ZBTB9: variants seen among roughly 807,000 people sequenced by gnomAD.
ZBTB9 encodes zinc finger and BTB domain containing 9.
Under a neutral mutation model 26.3 loss-of-function variants are expected in ZBTB9, and 17 were observed. The ratio of observed to expected loss-of-function variants is 0.65; its 90% CI spans 0.44 to 0.97. The LOEUF is 0.97. ZBTB9 is among the 50% of genes least tolerant of loss of function. The pLI is 0.00. For missense variants in ZBTB9, 510 were observed against 594.2 expected (o/e 0.86, Z 1.47); for synonymous variants, 226 against 234.3 (o/e 0.96, Z 0.32).
rs1761459966 is a variant in ZBTB9 at position 33,455,323 on chromosome 6, G to A, written c.223G>A (p.Asp75Asn). 6.2e-7 allele frequency: 1 copy of A among 1,614,062 alleles called. No homozygotes were observed. Among genetic ancestry groups the A allele is most frequent in the Non-Finnish European group, 8.5e-7 (1 of 1,180,050 alleles). Residue 75 changes from aspartate to asparagine, a missense_variant, in exon 2 of 2, where the codon GAC (aspartate) becomes AAC (asparagine). Around this residue, in one of 2 missense-constraint regions of ZBTB9, gnomAD observed 439 missense variants for 460.4 expected, o/e 0.95. Coordinates refer to ENST00000395064, the MANE Select transcript of ZBTB9 (RefSeq NM_152735.4). ...VLAAASPYFH[D>N]KLLLGDAPRL... ...AGCTGCTGCCTCTCCTTACTTCCAT[G>A]ACAAGCTGCTTCTGGGGGATGCGCC...
In ZBTB9 at chr6:33,456,006, G is replaced by A. The variant is rs776929381; in HGVS notation, c.906G>A (p.Gln302=). 21 of 1,613,926 alleles carry A rather than the reference G, an allele frequency of 1.3e-5. No individual in the cohort carries two copies. Among genetic ancestry groups the A allele is most frequent in the Non-Finnish European group, 1.8e-5 (21 of 1,180,038 alleles). The change falls in exon 2 of 2, where the codon CAG becomes CAA. Residue 302 remains glutamine, a synonymous_variant. Transcript: ENST00000395064. This position sits in a 1 kb window ranked among gnomAD's most constrained non-coding sequence, Gnocchi z 5.1. ...PKEEISGSGT[Q]PGGAKEETKV... ...AGGAGATATCAGGAAGCGGAACTCA[G>A]CCTGGAGGAGCAAAGGAGGAAACCA...
rs1020534917 is a variant in ZBTB9, at chr6:33,457,471, G to T, written c.*949G>T. 6.0e-6 allele frequency: 1 copy of T among 167,096 alleles called. No individual in the cohort carries two copies. The highest frequency in any genetic ancestry group is 2.4e-5 in the African/African-American group (1 of 41,450). 10.4% of individuals were successfully genotyped at this position (167,096 alleles called of 1,614,324 possible). A position where few individuals can be genotyped will look rare whatever the true frequency, so the allele number is the denominator to read the frequency against. ...AGCCCCTCTGTTGAGATATGGAGGG[G>T]ACAGATACTGGAATCGGGGGTGGGA... On this transcript the variant is annotated 3_prime_UTR_variant, in exon 2 of 2. Coordinates refer to ENST00000395064, the MANE Select transcript of ZBTB9 (RefSeq NM_152735.4).
At position 33,456,259 on chromosome 6, in the gene ZBTB9, C is replaced by T. The variant is rs1395056757; in HGVS notation, c.1159C>T (p.Leu387=). ...TGCAGATGGAAAACGCTTTGGTTGC[C>T]TGTGTGGGAAGCGGTTTGCAGTGAA... ...PPADGKRFGC[L]CGKRFAVKPK... is the part of the protein sequence containing the mutation. The change falls in exon 2 of 2, where the codon CTG becomes TTG. Residue 387 remains leucine (L), a synonymous_variant. Coordinates refer to ENST00000395064, the MANE Select transcript of ZBTB9 (RefSeq NM_152735.4). The surrounding 1 kb of genome is among the most constrained non-coding windows in gnomAD (Gnocchi z 5.1). 1.2e-6 allele frequency: 2 copies of T among 1,613,466 alleles called. No homozygotes were observed. Among genetic ancestry groups the T allele is most frequent in the Non-Finnish European group, 8.5e-7 (1 of 1,179,818 alleles).
At position 33,456,015 on chromosome 6, in the gene ZBTB9, A is replaced by C; in HGVS notation, c.915A>C (p.Gly305=). ...EISGSGTQPG[G]AKEETKVFSG... is the part of the protein sequence containing the mutation. ...CAGGAAGCGGAACTCAGCCTGGAGG[A>C]GCAAAGGAGGAAACCAAAGTGTTTT... Residue 305 remains glycine, a synonymous_variant, in exon 2 of 2, where the codon GGA becomes GGC. Transcript: ENST00000395064. This position sits in a 1 kb window ranked among gnomAD's most constrained non-coding sequence, Gnocchi z 5.1. 1 of 1,614,030 alleles carries C rather than the reference A, an allele frequency of 6.2e-7. No homozygotes were observed. Among genetic ancestry groups the C allele is most frequent in the Non-Finnish European group, 8.5e-7 (1 of 1,180,022 alleles).
rs572785847 is a variant in ZBTB9, at chr6:33,455,472, C to T, written c.372C>T (p.Gly124=). ...ALPAHLLVAS[G]LQMWQVVDQC... ...CTGCTCATCTCCTTGTGGCCAGTGGCCTTCAAATGTGGCAGGTAGTAGATC... is the reference window on the plus strand; with the variant it reads ...CTGCTCATCTCCTTGTGGCCAGTGGTCTTCAAATGTGGCAGGTAGTAGATC... Residue 124 remains glycine (G), a synonymous_variant, in exon 2 of 2, where the codon GGC becomes GGT. Coordinates refer to ENST00000395064, the MANE Select transcript of ZBTB9 (RefSeq NM_152735.4). 2 of 1,614,090 alleles carry T rather than the reference C, an allele frequency of 1.2e-6. No individual in the cohort carries two copies. The highest frequency in any genetic ancestry group is 4.5e-5 in the East Asian group (2 of 44,888).
rs1761493965 is a variant in ZBTB9 at position 33,456,764 on chromosome 6, TC to T, written c.*243del. 3.4e-6 allele frequency: 2 copies of T among 583,680 alleles called. No homozygotes were observed. The highest frequency in any genetic ancestry group is 1.9e-5 in the African/African-American group (1 of 53,048). The allele number at this position is 583,680 out of a possible 1,614,324, so 36.2% of individuals were successfully genotyped here. On this transcript the variant is annotated 3_prime_UTR_variant, in exon 2 of 2. Transcript: ENST00000395064. The surrounding 1 kb of genome is among the most constrained non-coding windows in gnomAD (Gnocchi z 5.1). ...TGCAGGAAAGTGGTTTATAGGCCAT[TC>T]ATACTTAAGTTGATCACTTGCCCAT...
rs1191467187 is a variant in ZBTB9 at position 33,455,822 on chromosome 6, CAG to C, written c.723_724del (p.Val243PhefsTer23). The stretch of plus-strand genomic sequence containing the variant: ...CAGACTCCTCAGCCCCAGAGAGTAT[CAG>C]GGGTTTTTCCCCGTCCTCATGGACC... On this transcript the variant is annotated frameshift_variant, in exon 2 of 2. Transcript: ENST00000395064. LOFTEE classifies it high-confidence loss of function. 1.9e-6 allele frequency: 3 copies of C among 1,610,808 alleles called. No individual in the cohort carries two copies. The highest frequency in any genetic ancestry group is 1.7e-5 in the Admixed American group (1 of 59,822).
chr6:33,455,634 C>G lies in ZBTB9; in HGVS notation c.534C>G (p.Thr178=), dbSNP rs1223914262. 2 of 1,613,988 alleles carry G rather than the reference C, an allele frequency of 1.2e-6. No homozygotes were observed. The highest frequency in any genetic ancestry group is 1.7e-5 in the Admixed American group (1 of 60,008). The change falls in exon 2 of 2, where the codon ACC becomes ACG. Residue 178 remains threonine, a synonymous_variant. Coordinates refer to ENST00000395064, the MANE Select transcript of ZBTB9 (RefSeq NM_152735.4). The part of the protein sequence containing the change: ...GWCIRSSPFQ[T]PVQSSASTES... ...GCATTCGCTCTTCGCCTTTCCAGAC[C>G]CCAGTACAGTCCTCTGCTTCTACTG... is the stretch of plus-strand genomic sequence containing the variant.
rs758490161 is a variant in ZBTB9 at position 33,456,091 on chromosome 6, G to A, written c.991G>A (p.Gly331Arg). Residue 331 changes from glycine to arginine, a missense_variant, in exon 2 of 2, where the codon GGG (glycine) becomes AGG (arginine). By Grantham distance (125) the Gly-to-Arg change is moderately radical (BLOSUM62 -2). This residue lies in a region of ZBTB9 where 439 missense variants were observed against 460.4 expected (regional missense o/e 0.95). Transcript: ENST00000395064. This position sits in a 1 kb window ranked among gnomAD's most constrained non-coding sequence, Gnocchi z 5.1. ...GGAGCTAGGGTTCTTGTTGCCTTCA[G>A]GGCCAGGGCCAACATCTGGGGGAGG... ...NGELGFLLPS[G>R]PGPTSGGGGP... The A allele has an allele frequency of 3.1e-6, 5 of 1,613,838 alleles. No homozygotes were observed. The South Asian group carries it at 4.4e-5, about 14-fold the overall frequency.
Position 33,455,673 on chromosome 6 carries a change from C to T in ZBTB9, c.573C>T (p.Ser191=). 6.2e-7 allele frequency: 1 copy of T among 1,614,196 alleles called. No individual in the cohort carries two copies. The highest frequency in any genetic ancestry group is 8.5e-7 in the Non-Finnish European group (1 of 1,180,044). The change falls in exon 2 of 2, where the codon TCC becomes TCT. Residue 191 remains serine, a synonymous_variant. Coordinates refer to ENST00000395064, the MANE Select transcript of ZBTB9 (RefSeq NM_152735.4). The part of the protein sequence containing the change: ...QSSASTESPA[S]TESPVGGEGS... ...CTGCTTCTACTGAAAGCCCTGCTTCCACTGAGAGCCCTGTGGGAGGGGAGG... is the reference window on the plus strand; with the variant it reads ...CTGCTTCTACTGAAAGCCCTGCTTCTACTGAGAGCCCTGTGGGAGGGGAGG...
Position 33,455,614 on chromosome 6 carries a change from C to G in ZBTB9, c.514C>G (p.Arg172Gly), listed in dbSNP as rs938831302. ...ATCCTCTACAGGAGGCTGGTGCATT[C>G]GCTCTTCGCCTTTCCAGACCCCAGT... ...TTSSTGGWCI[R>G]SSPFQTPVQS... Residue 172 changes from arginine to glycine, a missense_variant, in exon 2 of 2, where the codon CGC (arginine) becomes GGC (glycine). Around this residue, in one of 2 missense-constraint regions of ZBTB9, gnomAD observed 439 missense variants for 460.4 expected, o/e 0.95. Coordinates refer to ENST00000395064, the MANE Select transcript of ZBTB9 (RefSeq NM_152735.4). 2 of 1,613,718 alleles carry G rather than the reference C, an allele frequency of 1.2e-6. No individual in the cohort carries two copies. The highest frequency in any genetic ancestry group is 2.7e-5 in the African/African-American group (2 of 74,932).
rs953041228 is a variant in ZBTB9 at position 33,455,935 on chromosome 6, C to G, written c.835C>G (p.Pro279Ala). Residue 279 changes from proline (P) to alanine (A), a missense_variant, in exon 2 of 2, where the codon CCC becomes GCC. Physicochemically the swap from Pro to Ala is conservative, Grantham distance 27. Around this residue, in one of 2 missense-constraint regions of ZBTB9, gnomAD observed 439 missense variants for 460.4 expected, o/e 0.95. Coordinates refer to ENST00000395064, the MANE Select transcript of ZBTB9 (RefSeq NM_152735.4). ...PLELPAPPALPPKIFYIKQEP... is the reference protein window; with the variant it reads ...PLELPAPPALAPKIFYIKQEP... ...TGAGCTTCCTGCCCCTCCTGCACTG[C>G]CCCCCAAAATCTTCTACATTAAGCA... 2.5e-6 allele frequency: 4 copies of G among 1,611,424 alleles called. No homozygotes were observed. Among genetic ancestry groups the G allele is most frequent in the Admixed American group, 1.7e-5 (1 of 59,752 alleles).
In ZBTB9 at chr6:33,456,271, C is replaced by T. The variant is rs1347648985; in HGVS notation, c.1171C>T (p.Arg391Trp). The T allele has an allele frequency of 2.5e-6, 4 of 1,613,076 alleles. No individual in the cohort carries two copies. Among genetic ancestry groups the T allele is most frequent in the Admixed American group, 1.7e-5 (1 of 59,946 alleles). The change falls in exon 2 of 2, where the codon CGG (arginine) becomes TGG (tryptophan). Residue 391 changes from arginine to tryptophan, a missense_variant. Coordinates refer to ENST00000395064, the MANE Select transcript of ZBTB9 (RefSeq NM_152735.4). The surrounding 1 kb of genome is among the most constrained non-coding windows in gnomAD (Gnocchi z 5.1). ...ACGCTTTGGTTGCCTGTGTGGGAAG[C>T]GGTTTGCAGTGAAGCCAAAGCGTGA... ...GKRFGCLCGK[R>W]FAVKPKRDRH... is the part of the protein sequence containing the mutation.
chr6:33,455,226 G>T lies in ZBTB9; in HGVS notation c.126G>T (p.Arg42Ser), dbSNP rs772668930. The T allele has an allele frequency of 6.2e-7, 1 of 1,614,164 alleles. No homozygotes were observed. Among genetic ancestry groups the T allele is most frequent in the South Asian group, 1.1e-5 (1 of 91,086 alleles). The change falls in exon 2 of 2, where the codon AGG becomes AGT. Residue 42 changes from arginine to serine, a missense_variant. This residue lies in a region of ZBTB9 where 439 missense variants were observed against 460.4 expected (regional missense o/e 0.95). Transcript: ENST00000395064. ...SSLLESLNRHRLEGKFCDVSL... is the reference protein window; with the variant it reads ...SSLLESLNRHSLEGKFCDVSL... Reference sequence around the variant, plus strand: ...TGCTGGAATCTCTGAACCGCCACAGGCTAGAGGGAAAGTTCTGTGATGTGT... The same window carrying T: ...TGCTGGAATCTCTGAACCGCCACAGTCTAGAGGGAAAGTTCTGTGATGTGT...
At position 33,455,806 on chromosome 6, in the gene ZBTB9, C is replaced by T; in HGVS notation, c.706C>T (p.Gln236Ter). 1.2e-6 allele frequency: 2 copies of T among 1,611,088 alleles called. No homozygotes were observed. The highest frequency in any genetic ancestry group is 2.2e-5 in the East Asian group (1 of 44,880). The change falls in exon 2 of 2, where the codon CAG becomes TAG. Residue 236 changes from glutamine to a stop codon, truncating the protein, a stop_gained. Coordinates refer to ENST00000395064, the MANE Select transcript of ZBTB9 (RefSeq NM_152735.4). LOFTEE classifies it high-confidence loss of function. ...GTCAGCCACACTCTCTCAGACTCCT[C>T]AGCCCCAGAGAGTATCAGGGGTTTT... ...QGSATLSQTPQPQRVSGVFPR... is the reference protein window; with the variant it reads ...QGSATLSQTP
upstream of ZBTB9, chr6:33,453,826 C>T (rs1253604838): frequency 6.6e-6 from 1 of 152,054 alleles, no homozygotes; most frequent in East Asian, 1.9e-4. Context: ...TAGAATGTCA[C>T]TCTCCCCTCC....
chr6:33,455,048 T>A lies in ZBTB9; in HGVS notation c.-53T>A, dbSNP rs1439284930. ...TCTGCAGCCTTCATCCCGCGTGGAG[T>A]CTACCCCCAAGCCCTTCTCCTCTTC... is the stretch of plus-strand genomic sequence containing the variant. On this transcript the variant is annotated 5_prime_UTR_variant, in exon 2 of 2. Transcript: ENST00000395064. 2 of 1,531,002 alleles carry A rather than the reference T, an allele frequency of 1.3e-6. No individual in the cohort carries two copies. Among genetic ancestry groups the A allele is most frequent in the African/African-American group, 2.8e-5 (2 of 72,064 alleles). The allele number at this position is 1,531,002 out of a possible 1,614,324, so 94.8% of individuals were successfully genotyped here.
chr6:33,455,893 G>A lies in ZBTB9; in HGVS notation c.793G>A (p.Gly265Ser). Residue 265 changes from glycine (G) to serine (S), a missense_variant, in exon 2 of 2, where the codon GGT becomes AGT. Physicochemically the swap from Gly to Ser is moderately conservative, Grantham distance 56 (BLOSUM62 0). Around this residue, in one of 2 missense-constraint regions of ZBTB9, gnomAD observed 439 missense variants for 460.4 expected, o/e 0.95. Coordinates refer to ENST00000395064, the MANE Select transcript of ZBTB9 (RefSeq NM_152735.4). ...TGCTACTCCCCGAAAGCTTCCAGAG[G>A]GTGAGAGTGCACCACTTGAGCTTCC... ...MTATPRKLPE[G>S]ESAPLELPAP... 6.2e-7 allele frequency: 1 copy of A among 1,613,484 alleles called. No individual in the cohort carries two copies.
In ZBTB9 at chr6:33,455,826, G is replaced by A. The variant is rs1042769617; in HGVS notation, c.726G>A (p.Gly242=). The A allele has an allele frequency of 6.2e-7, 1 of 1,611,048 alleles. No individual in the cohort carries two copies. The highest frequency in any genetic ancestry group is 1.3e-5 in the African/African-American group (1 of 74,980). ...CTCCTCAGCCCCAGAGAGTATCAGG[G>A]GTTTTTCCCCGTCCTCATGGACCCC... The part of the protein sequence containing the change: ...SQTPQPQRVS[G]VFPRPHGPHP... The change falls in exon 2 of 2, where the codon GGG becomes GGA. Residue 242 remains glycine (G), a synonymous_variant. Coordinates refer to ENST00000395064, the MANE Select transcript of ZBTB9 (RefSeq NM_152735.4).
Sources: gnomAD v4.1 joint callset for allele counts on GRCh38, gnomAD v4.1.1 for gene constraint, gnomAD v4.1.1 regional missense constraint, Gnocchi (gnomAD v3.1) non-coding constraint, MANE v1.5 for transcripts, NCBI Gene and HGNC (gene_info 2026-07-23, HGNC 2026-07-21) for gene names.